Variants in CHSY3 observed in about 807,000 individuals in gnomAD.
CHSY3 encodes the protein N-acetylgalactosaminyl-proteoglycan 3-beta-glucuronosyltransferase 3.
A neutral mutation model predicts 67.2 loss-of-function variants in CHSY3; 35 were observed. The ratio of observed to expected loss-of-function variants is 0.52; its 90% CI spans 0.40 to 0.69. The LOEUF is 0.69. CHSY3 is among the 30% of genes least tolerant of loss of function. The probability of loss-of-function intolerance (pLI) is 0.00; values close to 1 mark genes in which losing one functional copy is unlikely to be tolerated. For missense variants in CHSY3, 1,069 were observed against 1,138.5 expected (o/e 0.94, Z 0.88); for synonymous variants, 474 against 434.7 (o/e 1.09, Z -1.12).
At chr5:130,179,863 A>G (rs1032382188) in intron 2 of CHSY3, among the ~76,000 whole-genome samples, 4 of 152,126 alleles carry the variant, frequency 2.6e-5, no homozygotes, top group East Asian at 1.9e-4. Flanking sequence ...AGTGTTTGCT[A>G]TAATTCTTGG....
chr5:130,160,721 C>T (rs79926765), intron 2 of CHSY3, among the ~76,000 whole-genome samples: 2 of 152,018 alleles, frequency 1.3e-5, no homozygotes, highest in African/African-American at 4.8e-5. Context: ...AGGTTTAGGA[C>T]AGTTCTAATT....
intron 2 of CHSY3, among the ~76,000 whole-genome samples, chr5:129,947,671 A>T (rs1255625719): frequency 5.3e-5 from 8 of 151,872 alleles, no homozygotes; most frequent in Non-Finnish European, 1.0e-4. Context: ...GGGTGGGGGC[A>T]CAGCCAAACT....
chr5:129,994,391 C>T (rs1299304038), intron 2 of CHSY3, among the ~76,000 whole-genome samples: 1 of 152,124 alleles, frequency 6.6e-6, no homozygotes, highest in Non-Finnish European at 1.5e-5. Context: ...TCCCATATTT[C>T]TTGGAGGCTT....
chr5:129,955,294 T>C (rs1580576805), intron 2 of CHSY3, among the ~76,000 whole-genome samples: 3 of 152,258 alleles, frequency 2.0e-5, no homozygotes, highest in African/African-American at 7.2e-5. Flanking sequence ...TTCTGGTGCC[T>C]TCTACCGTCT....
chr5:129,927,397 G>A (rs1761152701), intron 2 of CHSY3, among the ~76,000 whole-genome samples: 2 of 151,866 alleles, frequency 1.3e-5, no homozygotes, highest in Admixed American at 1.3e-4. Context: ...TTGTGTTTGG[G>A]ACATTGTGTT....
chr5:129,975,742 A>G (rs564335769), intron 2 of CHSY3, among the ~76,000 whole-genome samples: 2 of 152,294 alleles, frequency 1.3e-5, no homozygotes, highest in East Asian at 1.9e-4. Context: ...CATCTTTACC[A>G]TGGAATTTCT....
At chr5:129,969,755 T>C (rs971399959) in intron 2 of CHSY3, among the ~76,000 whole-genome samples, 2 of 151,834 alleles carry the variant, frequency 1.3e-5, no homozygotes, top group Non-Finnish European at 2.9e-5. Context: ...TTTGGTAAGG[T>C]TGTCTTAAGT....
chr5:130,080,037 T>TACACACACACACAC (rs35994744), intron 2 of CHSY3, among the ~76,000 whole-genome samples: 24 of 143,416 alleles, frequency 1.7e-4, no homozygotes, highest in South Asian at 1.1e-3. Flanking sequence ...CACCTGAACA[T>TACACACACACACAC]ACACACACAC....
intron 2 of CHSY3, among the ~76,000 whole-genome samples, chr5:130,103,416 G>A (rs1463082995): frequency 6.6e-6 from 1 of 152,032 alleles, no homozygotes; most frequent in Non-Finnish European, 1.5e-5. Flanking sequence ...ATAAATGTAT[G>A]ACTGTTAAAT....
chr5:130,023,440 T>C (rs1427965800), intron 2 of CHSY3, among the ~76,000 whole-genome samples: 1 of 151,942 alleles, frequency 6.6e-6, no homozygotes, highest in Non-Finnish European at 1.5e-5. Context: ...ACAGTTAGTA[T>C]TGGGAAGATA....
chr5:129,995,399 G>C (rs1365336704), intron 2 of CHSY3, among the ~76,000 whole-genome samples: 1 of 151,880 alleles, frequency 6.6e-6, no homozygotes, highest in Admixed American at 6.6e-5. Flanking sequence ...ACATCCATAA[G>C]CATGTCCTTT....
chr5:130,023,299 A>G (rs1425822958), intron 2 of CHSY3, among the ~76,000 whole-genome samples: 1 of 152,004 alleles, frequency 6.6e-6, no homozygotes, highest in Admixed American at 6.6e-5. Context: ...AATCTAGTCA[A>G]TGGTAAGGGA....
At chr5:130,086,763 T>A (rs970364469) in intron 2 of CHSY3, among the ~76,000 whole-genome samples, 1 of 152,048 alleles carries the variant, frequency 6.6e-6, no homozygotes, top group Non-Finnish European at 1.5e-5. Flanking sequence ...ACCACATGGA[T>A]TCACAGCCGA....
chr5:130,094,228 A>C (rs565708470), intron 2 of CHSY3, among the ~76,000 whole-genome samples: 1 of 152,268 alleles, frequency 6.6e-6, no homozygotes, highest in Non-Finnish European at 1.5e-5. Flanking sequence ...GTGCTGAACT[A>C]TAAACTTCTT....
Position 130,143,810 on chromosome 5 carries a change from GTATATATA to G in CHSY3, c.1087-40389_1087-40382del, listed in dbSNP as rs61284287. Among the ~76,000 whole-genome samples the G allele has an allele frequency of 6.4e-3, 364 of 56,464 alleles. 12 individuals carry two copies. The highest frequency in any genetic ancestry group is 0.019 in the African/African-American group (258 of 13,622). 37.0% of individuals were successfully genotyped at this position (56,464 alleles called of 152,430 possible). On this transcript the variant is annotated intron_variant, in intron 2 of 2. Coordinates refer to ENST00000305031, the MANE Select transcript of CHSY3 (RefSeq NM_175856.5). The stretch of plus-strand genomic sequence containing the variant: ...TATATATATATATATATATATGTGT[GTATATATA>G]TATATATATATATATATATATATAT...
intron 2 of CHSY3, among the ~76,000 whole-genome samples, chr5:130,085,996 C>A (rs1057253404): frequency 2.0e-5 from 3 of 152,022 alleles, no homozygotes; most frequent in African/African-American, 4.8e-5. Context: ...AATTTCCGTT[C>A]TTTTACATTT....
intron 2 of CHSY3, among the ~76,000 whole-genome samples, chr5:130,021,724 G>C (rs919026582): frequency 6.6e-6 from 1 of 152,090 alleles, no homozygotes; most frequent in Admixed American, 6.6e-5. Flanking sequence ...ATAATAAAAA[G>C]ATAAACACTA....
intron 2 of CHSY3, among the ~76,000 whole-genome samples, chr5:130,003,296 T>C (rs1205222002): frequency 1.3e-5 from 2 of 152,238 alleles, no homozygotes; most frequent in Non-Finnish European, 2.9e-5. Flanking sequence ...AAAGGGTATT[T>C]AACATCTTTG....
At chr5:130,113,706 A>T (rs1167200887) in intron 2 of CHSY3, among the ~76,000 whole-genome samples, 1 of 152,176 alleles carries the variant, frequency 6.6e-6, no homozygotes, top group Non-Finnish European at 1.5e-5. Flanking sequence ...ACAGGTCTAC[A>T]TGAGAGACCA....
Sources: allele counts gnomAD v4.1 joint callset (sites outside exome capture counted in the v4.1 genomes callset), GRCh38; gene constraint gnomAD v4.1.1; transcripts MANE v1.5; gene names NCBI Gene and HGNC (gene_info 2026-07-23, HGNC 2026-07-21).